The following GPM6A variants were observed in gnomAD, a reference collection of about 807,000 sequenced individuals.
The protein encoded by GPM6A is glycoprotein M6A, also known as neuronal membrane glycoprotein M6-a.
In GPM6A, 7 loss-of-function variants were observed where a neutral mutation model predicts 32.1. The observed-to-expected ratio is 0.22, with a 90% CI of 0.12 to 0.41. The LOEUF is 0.41. Ranked by LOEUF, GPM6A falls within the 10% of genes least tolerant of loss-of-function variation. GPM6A has a pLI of 1.00. For synonymous variants in GPM6A, 130 were observed against 123.4 expected (o/e 1.05, Z -0.35); for missense variants, 235 against 347.2 (o/e 0.68, Z 2.57).
intron 1 of GPM6A, among the ~76,000 whole-genome samples, chr4:175,720,147 C>T (rs752034075): frequency 6.4e-4 from 98 of 152,112 alleles, no homozygotes; most frequent in Non-Finnish European, 8.8e-4. Context: ...GACTTTTAGA[C>T]GGTAGAGGCT....
rs998058330 is a variant in GPM6A at position 175,745,467 on chromosome 4, C to T, written c.38-43700G>A. ...GCTTTGTTCTGTTCAGTTAAACAAA[C>T]ATTTGTTGCCCACCATGTGCCAAGC... On this transcript the variant is annotated intron_variant, in intron 1 of 6. Coordinates refer to ENST00000393658, the MANE Select transcript of GPM6A (RefSeq NM_201591.3). 3.9e-5 allele frequency among the ~76,000 whole-genome samples: 6 copies of T among 152,118 alleles called. No individual in the cohort carries two copies. The East Asian group carries it at 7.7e-4, about 20-fold the overall frequency.
chr4:175,944,601 AG>A (rs1380452173), intron 1 of GPM6A, among the ~76,000 whole-genome samples: 2 of 152,204 alleles, frequency 1.3e-5, no homozygotes, highest in Non-Finnish European at 2.9e-5. Flanking sequence ...AGCTCTTAAC[AG>A]TATTATCAGG....
At chr4:175,983,461 T>C (rs1202389887) in intron 1 of GPM6A, among the ~76,000 whole-genome samples, 1 of 152,232 alleles carries the variant, frequency 6.6e-6, no homozygotes, top group Non-Finnish European at 1.5e-5. Context: ...AGTTTACTTC[T>C]ATTCCTAGTT....
At chr4:175,779,495 G>T (rs746151236) in intron 1 of GPM6A, among the ~76,000 whole-genome samples, 1 of 152,070 alleles carries the variant, frequency 6.6e-6, no homozygotes, top group African/African-American at 2.4e-5. Context: ...CAGTAAGCGG[G>T]TTTCGTATGG....
intron 1 of GPM6A, among the ~76,000 whole-genome samples, chr4:175,954,181 A>T (rs1739909040): frequency 6.6e-6 from 1 of 152,176 alleles, no homozygotes; most frequent in Admixed American, 6.5e-5. Flanking sequence ...GAATAAACTA[A>T]AATTAGATGA....
chr4:175,990,811 C>T (rs1005187467), intron 1 of GPM6A, among the ~76,000 whole-genome samples: 1 of 151,890 alleles, frequency 6.6e-6, no homozygotes. Context: ...CTGATTTAAA[C>T]CAGGATGTAT....
At position 175,896,272 on chromosome 4, in the gene GPM6A, G is replaced by T. The variant is rs1192161613; in HGVS notation, c.-22-84023C>A. 3.3e-5 allele frequency among the ~76,000 whole-genome samples: 5 copies of T among 152,054 alleles called. No individual in the cohort carries two copies. The East Asian group carries it at 7.7e-4, about 24-fold the overall frequency. On this transcript the variant is annotated intron_variant, in intron 1 of 7. Coordinates refer to the GPM6A transcript ENST00000280187. ...CTGCTTTGGTGACCACAGACACTTAGCCCAATCCATATAGTTCCTCAGGCC... is the reference window on the plus strand; with the variant it reads ...CTGCTTTGGTGACCACAGACACTTATCCCAATCCATATAGTTCCTCAGGCC...
chr4:175,904,903 A>G (rs1738082583), intron 1 of GPM6A, among the ~76,000 whole-genome samples: 1 of 152,158 alleles, frequency 6.6e-6, no homozygotes, highest in South Asian at 2.1e-4. Flanking sequence ...ACCTTAAACC[A>G]GACGGATATT....
chr4:175,911,642 A>G (rs1008972218), intron 1 of GPM6A, among the ~76,000 whole-genome samples: 8 of 152,224 alleles, frequency 5.3e-5, no homozygotes, highest in Non-Finnish European at 1.2e-4. Flanking sequence ...ACATAAGTTC[A>G]GTTAAGAACT....
chr4:175,917,242 C>T (rs1307578536), intron 1 of GPM6A, among the ~76,000 whole-genome samples: 2 of 151,858 alleles, frequency 1.3e-5, no homozygotes, highest in African/African-American at 4.8e-5. Flanking sequence ...CTCCTCCCTC[C>T]ACACAATCAC....
chr4:175,733,563 T>A (rs904700570), intron 1 of GPM6A, among the ~76,000 whole-genome samples: 1 of 152,134 alleles, frequency 6.6e-6, no homozygotes, highest in South Asian at 2.1e-4. Flanking sequence ...GTTGCTGTTA[T>A]TTTACCTATG....
intron 2 of GPM6A, among the ~76,000 whole-genome samples, chr4:175,699,606 A>G (rs1744762706): frequency 6.6e-6 from 1 of 152,112 alleles, no homozygotes; most frequent in Non-Finnish European, 1.5e-5. Context: ...TCACTTCTTA[A>G]TTTAGTAGCT....
upstream of GPM6A, among the ~76,000 whole-genome samples, chr4:175,816,116 G>A (rs1478335612): frequency 2.0e-5 from 3 of 152,134 alleles, no homozygotes; most frequent in Admixed American, 1.3e-4. Context: ...ACGGGAGCCC[G>A]GGAGGTTGAG....
intron 1 of GPM6A, among the ~76,000 whole-genome samples, chr4:175,914,713 A>G (rs1738434006): frequency 6.6e-6 from 1 of 151,746 alleles, no homozygotes; most frequent in Non-Finnish European, 1.5e-5. Flanking sequence ...AGTGAAGATA[A>G]GCAGTTAGTT....
intron 1 of GPM6A, among the ~76,000 whole-genome samples, chr4:175,933,987 G>T (rs1388431639): frequency 2.6e-5 from 4 of 152,206 alleles, no homozygotes; most frequent in African/African-American, 9.6e-5. Context: ...AGAATAACAT[G>T]TATGAATTTC....
At chr4:175,679,477 C>A (rs749606495) in intron 2 of GPM6A, among the ~76,000 whole-genome samples, 2 of 152,108 alleles carry the variant, frequency 1.3e-5, no homozygotes, top group Admixed American at 6.6e-5. Context: ...AACAAGCGAT[C>A]TGTGAGGAGA....
intron 1 of GPM6A, among the ~76,000 whole-genome samples, chr4:175,762,574 T>C (rs1323529397): frequency 2.6e-5 from 4 of 152,152 alleles, no homozygotes; most frequent in African/African-American, 9.7e-5. Context: ...GATTTAAATG[T>C]CCGAATCTAA....
intron 2 of GPM6A, among the ~76,000 whole-genome samples, chr4:175,693,933 T>C (rs1014619845): frequency 6.6e-6 from 1 of 152,116 alleles, no homozygotes; most frequent in African/African-American, 2.4e-5. Context: ...TGAAAGTGAG[T>C]GAGTGAGTTA....
At chr4:175,907,352 A>G (rs982074483) in intron 1 of GPM6A, 3 of 152,132 alleles carry the variant, frequency 2.0e-5, no homozygotes, top group Admixed American at 6.6e-5. Context: ...CTTGTCTCTC[A>G]TTAAATTGCT....
Sources: gnomAD v4.1 joint callset for allele counts (sites outside exome capture counted in the v4.1 genomes callset) on GRCh38, gnomAD v4.1.1 for gene constraint, MANE v1.5 for transcripts, NCBI Gene and HGNC (gene_info 2026-07-23, HGNC 2026-07-21) for gene names.